The following RANBP10 variants were observed in gnomAD, a reference collection of about 807,000 sequenced individuals.
RANBP10 encodes ran-binding protein 10.
In RANBP10, 24 loss-of-function variants were observed where a neutral mutation model predicts 72.8. The observed-to-expected ratio is 0.33, with a 90% CI of 0.24 to 0.46. The LOEUF (loss-of-function observed/expected upper bound fraction) is 0.46. Among genes scored for constraint, RANBP10 ranks in the 20% least tolerant of loss-of-function variants. RANBP10 has a pLI of 1.00. For synonymous variants in RANBP10, 310 were observed against 322.3 expected, an observed-to-expected ratio of 0.96 and a Z score of 0.41; for missense variants, 679 against 817.5, an observed-to-expected ratio of 0.83 and a Z score of 2.07.
chr16:67,728,213 G>A (rs895354587), intron 11 of RANBP10, among the ~76,000 whole-genome samples, 177 bp downstream of exon 11: 5 of 152,170 alleles, frequency 3.3e-5, no homozygotes, highest in African/African-American at 7.2e-5. Context: ...CAGGGCCTTC[G>A]TACATTTGGA....
intron 2 of RANBP10, among the ~76,000 whole-genome samples, chr16:67,780,558 G>C (rs2054792197): frequency 6.6e-6 from 1 of 152,122 alleles, no homozygotes; most frequent in Admixed American, 6.6e-5. Flanking sequence ...GACCAGCCTA[G>C]ACAACATAAC....
intron 2 of RANBP10, among the ~76,000 whole-genome samples, chr16:67,801,440 T>C (rs1415254075): frequency 6.6e-6 from 1 of 152,088 alleles, no homozygotes; most frequent in African/African-American, 2.4e-5. Context: ...ATCTGATAAG[T>C]CAGGCTACTC....
In RANBP10 at chr16:67,805,491, G is replaced by T; in HGVS notation, c.284C>A (p.Pro95His). ...ATAAATGCCACAGGCAGCAGGTATG[G>T]GGTGGGTGGCACGCACTGAGGCCGC... ...KDAASVRATHPIPAACGIYYF... is the reference protein window; with the variant it reads ...KDAASVRATHHIPAACGIYYF... The change falls in exon 2 of 14, where the codon CCC becomes CAC. Residue 95 changes from proline to histidine, a missense_variant. Coordinates refer to ENST00000317506, the MANE Select transcript of RANBP10 (RefSeq NM_020850.3). The T allele has an allele frequency of 3.1e-6, 5 of 1,614,164 alleles. No individual in the cohort carries two copies. The highest frequency in any genetic ancestry group is 4.2e-6 in the Non-Finnish European group (5 of 1,180,026).
chr16:67,729,147 A>C lies in RANBP10; in HGVS notation c.1352+133T>G. Reference sequence around the variant, plus strand: ...GAGCTGATGTCTGGCCCGGTGGGCCAAAAATTAGGACTCCAGGCACAGACC... The same window carrying C: ...GAGCTGATGTCTGGCCCGGTGGGCCCAAAATTAGGACTCCAGGCACAGACC... On this transcript the variant is annotated intron_variant, in intron 10 of 13. Coordinates refer to ENST00000317506, the MANE Select transcript of RANBP10 (RefSeq NM_020850.3). The surrounding 1 kb of genome is among the most constrained non-coding windows in gnomAD (Gnocchi z 7.1). 2 of 1,487,882 alleles carry C rather than the reference A, an allele frequency of 1.3e-6. No homozygotes were observed. The highest frequency in any genetic ancestry group is 2.7e-5 in the South Asian group (2 of 73,292). The allele number at this position is 1,487,882 out of a possible 1,614,324, so 92.2% of individuals were successfully genotyped here.
At position 67,744,258 on chromosome 16, in the gene RANBP10, C is replaced by G. The variant is rs775626334; in HGVS notation, c.568+30G>C. 1.9e-6 allele frequency: 3 copies of G among 1,600,686 alleles called. No individual in the cohort carries two copies. In the Admixed American group the frequency reaches 5.0e-5, roughly 27 times the overall value. On this transcript the variant is annotated intron_variant, in intron 4 of 13. Coordinates refer to ENST00000317506, the MANE Select transcript of RANBP10 (RefSeq NM_020850.3). ...CACCAACCAAAGTGGCTCCACAGAGCAGAGCCTCCAAGGTCCCTTATGCAC... is the reference window on the plus strand; with the variant it reads ...CACCAACCAAAGTGGCTCCACAGAGGAGAGCCTCCAAGGTCCCTTATGCAC...
At chr16:67,804,513 T>C (rs924777747) in intron 2 of RANBP10, among the ~76,000 whole-genome samples, 2 of 152,054 alleles carry the variant, frequency 1.3e-5, no homozygotes, top group Admixed American at 1.3e-4. Context: ...GTGATTTTCA[T>C]GCCTCAGCCT....
In RANBP10 at chr16:67,806,448, G is replaced by A. The variant is rs1325991455; in HGVS notation, c.89C>T (p.Pro30Leu). ...GGGAGGGLPS[P>L]GEQELSRRLQ... is the part of the protein sequence containing the mutation. ...GCGCCGGCTCAGCTCCTGCTCCCCA[G>A]GGGACGGCAGCCCGCCCCCAGCGCC... The change falls in exon 1 of 14, where the codon CCT becomes CTT. Residue 30 changes from proline to leucine, a missense_variant. Physicochemically the swap from Pro to Leu is moderately conservative, Grantham distance 98. Coordinates refer to ENST00000317506, the MANE Select transcript of RANBP10 (RefSeq NM_020850.3). The A allele has an allele frequency of 6.3e-7, 1 of 1,575,348 alleles. No individual in the cohort carries two copies. The highest frequency in any genetic ancestry group is 8.6e-7 in the Non-Finnish European group (1 of 1,164,022).
rs1476582617 is a variant in RANBP10 at position 67,727,769 on chromosome 16, G to C, written c.1602C>G (p.Ala534=). ...CCTGTACCTGCAGCATCTCTGTGTG[G>C]GCCAAATTCTTGCCGTACTCCCGGC... is the stretch of plus-strand genomic sequence containing the variant. The part of the protein sequence containing the change: ...QLGREYGKNL[A]HTEMLQDAFS... The change falls in exon 12 of 14, where the codon GCC becomes GCG. Residue 534 remains alanine (A), a synonymous_variant. Transcript: ENST00000317506. 2 of 1,614,150 alleles carry C rather than the reference G, an allele frequency of 1.2e-6. No homozygotes were observed. The highest frequency in any genetic ancestry group is 1.7e-6 in the Non-Finnish European group (2 of 1,180,040).
chr16:67,762,455 G>T (rs978559803), intron 3 of RANBP10: 1 of 152,142 alleles, frequency 6.6e-6, no homozygotes, highest in East Asian at 1.9e-4. Context: ...TAACACAGCC[G>T]CCAGGATGCA....
In RANBP10 at chr16:67,729,601, C is replaced by T; in HGVS notation, c.1147+79G>A. 6.4e-7 allele frequency: 1 copy of T among 1,553,146 alleles called. No homozygotes were observed. The highest frequency in any genetic ancestry group is 1.2e-5 in the South Asian group (1 of 82,280). On this transcript the variant is annotated intron_variant, in intron 9 of 13. Coordinates refer to ENST00000317506, the MANE Select transcript of RANBP10 (RefSeq NM_020850.3). This position sits in a 1 kb window ranked among gnomAD's most constrained non-coding sequence, Gnocchi z 7.1. ...CCAAATCCAGCAGTGAGCCCTGAGC[C>T]CAGCCCAGGAAAGGGTATGTGGAGT...
chr16:67,742,251 C>G (rs966957098), intron 4 of RANBP10, among the ~76,000 whole-genome samples: 1 of 152,090 alleles, frequency 6.6e-6, no homozygotes, highest in Non-Finnish European at 1.5e-5. Flanking sequence ...CCAGGACAAG[C>G]TCAACTATAC....
intron 3 of RANBP10, among the ~76,000 whole-genome samples, chr16:67,769,471 C>T (rs541184018): frequency 1.7e-4 from 4 of 23,468 alleles, no homozygotes; most frequent in Admixed American, 4.7e-4. Flanking sequence ...AAGTGCTGGG[C>T]GCAGTGGCTC....
rs1178049394 is a variant in RANBP10 at position 67,767,454 on chromosome 16, CAAAAAAAAAAAA to C, written c.400+4568_400+4579del. 3.7e-4 allele frequency among the ~76,000 whole-genome samples: 24 copies of C among 64,068 alleles called. No individual in the cohort carries two copies. In the East Asian group the frequency reaches 0.01, roughly 27 times the overall value. 42.0% of individuals were successfully genotyped at this position (64,068 alleles called of 152,430 possible). A position where few individuals can be genotyped will look rare whatever the true frequency, so the allele number is the denominator to read the frequency against. On this transcript the variant is annotated intron_variant, in intron 3 of 13. Transcript: ENST00000317506. ...GCTGGGCAACAGCGAGACCCTGTTT[CAAAAAAAAAAAA>C]AAAAAAAAAAAAAAGCCAGGCACTG... is the stretch of plus-strand genomic sequence containing the variant.
intron 2 of RANBP10, among the ~76,000 whole-genome samples, chr16:67,803,820 C>A (rs2055280466): frequency 7.0e-6 from 1 of 143,366 alleles, no homozygotes; most frequent in Non-Finnish European, 1.5e-5. Flanking sequence ...AGAGCAAGAC[C>A]CCATCTCATT....
rs1375723726 is a variant in RANBP10, at chr16:67,730,365, A to G, written c.890-319T>C. ...GGACCTGGGGGCAGGGTAGGGCCCCAGCTGGGGCAACATGATCTGGGGATG... is the reference window on the plus strand; with the variant it reads ...GGACCTGGGGGCAGGGTAGGGCCCCGGCTGGGGCAACATGATCTGGGGATG... On this transcript the variant is annotated intron_variant, in intron 7 of 13. Coordinates refer to ENST00000317506, the MANE Select transcript of RANBP10 (RefSeq NM_020850.3). This position sits in a 1 kb window ranked among gnomAD's most constrained non-coding sequence, Gnocchi z 4.3. 2.0e-5 allele frequency among the ~76,000 whole-genome samples: 3 copies of G among 152,140 alleles called. No homozygotes were observed. Among genetic ancestry groups the G allele is most frequent in the Non-Finnish European group, 4.4e-5 (3 of 67,984 alleles).
chr16:67,731,569 G>C lies in RANBP10; in HGVS notation c.792C>G (p.Tyr264Ter). Residue 264 changes from tyrosine to a stop codon, truncating the protein, a stop_gained, in exon 7 of 14, where the codon TAC becomes TAG. Transcript: ENST00000317506. LOFTEE classifies it high-confidence loss of function. ...TGGCACAATACCCATGATGCACGAG[G>C]TAAGATGAAACCATGCTAGAAGAAA... ...QAVLQNMVSS[Y>*]LVHHGYCATA... The C allele has an allele frequency of 6.2e-7, 1 of 1,613,934 alleles. No individual in the cohort carries two copies. Among genetic ancestry groups the C allele is most frequent in the East Asian group, 2.2e-5 (1 of 44,880 alleles).
intron 3 of RANBP10, among the ~76,000 whole-genome samples, chr16:67,753,789 G>C (rs1371045348): frequency 6.6e-6 from 1 of 152,076 alleles, no homozygotes; most frequent in African/African-American, 2.4e-5. Context: ...AAAAAAGGAT[G>C]GCATCCAGGT....
chr16:67,764,012 T>C (rs2054450234), intron 3 of RANBP10, among the ~76,000 whole-genome samples: 1 of 152,156 alleles, frequency 6.6e-6, no homozygotes, highest in African/African-American at 2.4e-5. Context: ...CTGGATATTT[T>C]AATCAGGAAC....
chr16:67,728,599 T>C, intron 10 of RANBP10, 88 bp from the exon 11 acceptor site: 1 of 1,601,386 alleles, frequency 6.2e-7, no homozygotes, highest in Non-Finnish European at 8.5e-7. Flanking sequence ...TAGCCATGGG[T>C]TGCTGTGGGT....
Sources: allele counts gnomAD v4.1 joint callset (sites outside exome capture counted in the v4.1 genomes callset), GRCh38; gene constraint gnomAD v4.1.1; non-coding constraint Gnocchi (gnomAD v3.1); transcripts MANE v1.5; gene names NCBI Gene and HGNC (gene_info 2026-07-23, HGNC 2026-07-21).